FLT1: variants seen among roughly 807,000 people sequenced by gnomAD.
FLT1 encodes vascular endothelial growth factor receptor 1.
A neutral mutation model predicts 156.3 loss-of-function variants in FLT1; 49 were observed. The ratio of observed to expected loss-of-function variants is 0.31; its 90% CI spans 0.25 to 0.40. FLT1 has a LOEUF of 0.40. Ranked by LOEUF, FLT1 falls within the 10% of genes least tolerant of loss-of-function variation. The pLI is 1.00. For missense variants in FLT1, 1,322 were observed against 1,637.2 expected (o/e 0.81, Z 3.32); for synonymous variants, 594 against 583.8 (o/e 1.02, Z -0.25).
At chr13:28,372,048 G>GTATATA (rs1169072431) in intron 14 of FLT1, among the ~76,000 whole-genome samples, 8 of 75,582 alleles carry the variant, frequency 1.1e-4, no homozygotes, top group Non-Finnish European at 1.7e-4. Context: ...GTGTGTGTGT[G>GTATATA]TATATATATA....
chr13:28,395,321 C>T (rs2104330), intron 12 of FLT1, among the ~76,000 whole-genome samples: 65,607 of 151,952 alleles, frequency 0.43, 15,454 homozygotes, highest in Middle Eastern at 0.6. Flanking sequence ...TATTCAAATC[C>T]CACCTTCTCT....
intron 1 of FLT1, among the ~76,000 whole-genome samples, chr13:28,481,981 T>G (rs1042178029): frequency 6.6e-6 from 1 of 152,218 alleles, no homozygotes; most frequent in African/African-American, 2.4e-5. Context: ...TTGATGATAA[T>G]CCCTTGAGCA....
intron 14 of FLT1, among the ~76,000 whole-genome samples, chr13:28,379,034 A>T (rs937441004): frequency 1.3e-5 from 2 of 152,190 alleles, no homozygotes; most frequent in Non-Finnish European, 2.9e-5. Context: ...GTGAGAGAAG[A>T]TCTTTCACGA....
rs1205459147 is a variant in FLT1 at position 28,319,554 on chromosome 13, C to T, written c.3175-20G>A. ...TCGAGTCTAGAAGAGGGCAAGGGGG[C>T]CTTGAGCAGAAGGGCATGAAAACAA... On this transcript the variant is annotated intron_variant, in intron 23 of 29. Coordinates refer to ENST00000282397, the MANE Select transcript of FLT1 (RefSeq NM_002019.4). 4 of 1,482,396 alleles carry T rather than the reference C, an allele frequency of 2.7e-6. No individual in the cohort carries two copies. The highest frequency in any genetic ancestry group is 1.4e-5 in the African/African-American group (1 of 72,174). 91.8% of individuals were successfully genotyped at this position (1,482,396 alleles called of 1,614,324 possible).
chr13:28,429,541 T>A (rs1877548614), intron 8 of FLT1, among the ~76,000 whole-genome samples: 1 of 152,168 alleles, frequency 6.6e-6, no homozygotes, highest in African/African-American at 2.4e-5. Context: ...ACTTAATTAG[T>A]TCAAATAGGC....
intron 11 of FLT1, among the ~76,000 whole-genome samples, chr13:28,399,990 C>T (rs1053729318): frequency 3.3e-5 from 5 of 152,086 alleles, no homozygotes; most frequent in Non-Finnish European, 5.9e-5. Flanking sequence ...ACTGAGGTTC[C>T]GAGAGATTAG....
Position 28,391,278 on chromosome 13 carries a change from T to C in FLT1, c.1661-1174A>G, listed in dbSNP as rs376390716. On this transcript the variant is annotated intron_variant, in intron 12 of 29. Coordinates refer to ENST00000282397, the MANE Select transcript of FLT1 (RefSeq NM_002019.4). Reference sequence around the variant, plus strand: ...CCAGCTAATCTTTGTTATAAGAAAATAAGTCTTGGGACCCCAAAATCACTA... The same window carrying C: ...CCAGCTAATCTTTGTTATAAGAAAACAAGTCTTGGGACCCCAAAATCACTA... 5.3e-5 allele frequency among the ~76,000 whole-genome samples: 8 copies of C among 152,146 alleles called. No individual in the cohort carries two copies. The East Asian group carries it at 1.5e-3, about 29-fold the overall frequency.
At position 28,322,180 on chromosome 13, in the gene FLT1, A is replaced by G. The variant is rs1489061345; in HGVS notation, c.3051+82T>C. 4.4e-6 allele frequency: 4 copies of G among 899,488 alleles called. No homozygotes were observed. The highest frequency in any genetic ancestry group is 7.5e-6 in the Non-Finnish European group (4 of 533,998). The allele number at this position is 899,488 out of a possible 1,614,324, so 55.7% of individuals were successfully genotyped here. A position where few individuals can be genotyped will look rare whatever the true frequency, so the allele number is the denominator to read the frequency against. On this transcript the variant is annotated intron_variant, in intron 22 of 29. Coordinates refer to ENST00000282397, the MANE Select transcript of FLT1 (RefSeq NM_002019.4). This position sits in a 1 kb window ranked among gnomAD's most constrained non-coding sequence, Gnocchi z 4.3. ...TACATTTAAGAACATAGGTATCAGCAAATACTAGGAAAAATGAATTTATAG... is the reference window on the plus strand; with the variant it reads ...TACATTTAAGAACATAGGTATCAGCGAATACTAGGAAAAATGAATTTATAG...
At chr13:28,456,155 C>T (rs1231029033) in intron 3 of FLT1, among the ~76,000 whole-genome samples, 1 of 152,138 alleles carries the variant, frequency 6.6e-6, no homozygotes, top group Non-Finnish European at 1.5e-5. Flanking sequence ...TACATCCACC[C>T]AAAACCTGCA....
chr13:28,318,827 G>T (rs1163828373), intron 24 of FLT1, among the ~76,000 whole-genome samples: 2 of 152,184 alleles, frequency 1.3e-5, no homozygotes, highest in Non-Finnish European at 2.9e-5. Context: ...GCACGCATCT[G>T]TGTGCTTTGA....
At chr13:28,403,377 T>A (rs770114563) in intron 11 of FLT1, among the ~76,000 whole-genome samples, 11 of 152,202 alleles carry the variant, frequency 7.2e-5, no homozygotes, top group Non-Finnish European at 1.3e-4. Context: ...GGGACGTTCT[T>A]TTATCATGGG....
At position 28,431,206 on chromosome 13, in the gene FLT1, T is replaced by C. The variant is rs1238052041; in HGVS notation, c.918A>G (p.Lys306=). Residue 306 remains lysine (K), a synonymous_variant, in exon 7 of 30, where the codon AAA becomes AAG. Coordinates refer to ENST00000282397, the MANE Select transcript of FLT1 (RefSeq NM_002019.4). The part of the protein sequence containing the change: ...LTIDKMQNKD[K]GLYTCRVRSG... ...TCCTTACACGACAAGTATAAAGTCC[T>C]TTGTCTTTGTTCTGCATTTTGTCAA... The C allele has an allele frequency of 1.2e-6, 2 of 1,613,444 alleles. No individual in the cohort carries two copies. The highest frequency in any genetic ancestry group is 2.7e-5 in the African/African-American group (2 of 74,920).
chr13:28,434,688 G>T (rs1264686679), intron 4 of FLT1, among the ~76,000 whole-genome samples: 2 of 152,188 alleles, frequency 1.3e-5, no homozygotes, highest in South Asian at 4.1e-4. Context: ...TTAGAGACCA[G>T]CCTGGCCAAC....
rs1417918521 is a variant in FLT1, at chr13:28,321,539, T to A, written c.3098A>T (p.Asn1033Ile). The A allele has an allele frequency of 6.2e-7, 1 of 1,614,018 alleles. No homozygotes were observed. Among genetic ancestry groups the A allele is most frequent in the Non-Finnish European group, 8.5e-7 (1 of 1,179,964 alleles). The change falls in exon 23 of 30, where the codon AAC becomes ATC. Residue 1033 changes from asparagine to isoleucine, a missense_variant. By Grantham distance (149) the Asn-to-Ile change is moderately radical (BLOSUM62 -3). This residue lies in a region of FLT1 where 2 missense variants were observed against 16.2 expected (regional missense o/e 0.12). Coordinates refer to ENST00000282397, the MANE Select transcript of FLT1 (RefSeq NM_002019.4). ...AAAATCACAAATCTTCACCACGTTGTTCTCAGATAAAAGAATGTTTCTCGC... is the reference window on the plus strand; with the variant it reads ...AAAATCACAAATCTTCACCACGTTGATCTCAGATAAAAGAATGTTTCTCGC... Reference protein sequence around the residue: ...LAARNILLSENNVVKICDFGL... With the variant: ...LAARNILLSEINVVKICDFGL...
At chr13:28,426,068 A>C (rs1267268864) in intron 10 of FLT1, among the ~76,000 whole-genome samples, 2 of 151,912 alleles carry the variant, frequency 1.3e-5, no homozygotes, top group Non-Finnish European at 1.5e-5. Context: ...AATCTAGAAA[A>C]TCAAATAGCC....
chr13:28,438,363 GA>G lies in FLT1; in HGVS notation c.389-19del. 1 of 1,594,192 alleles carries G rather than the reference GA, an allele frequency of 6.3e-7. No individual in the cohort carries two copies. Among genetic ancestry groups the G allele is most frequent in the Non-Finnish European group, 8.6e-7 (1 of 1,162,520 alleles). The stretch of plus-strand genomic sequence containing the variant: ...ACCTGTATCTGAATGAGAAGAAAAT[GA>G]AAAAAATATATACATAAATGATTGA... On this transcript the variant is annotated intron_variant, in intron 3 of 29. Transcript: ENST00000282397.
In FLT1 at chr13:28,494,809, C is replaced by T. The variant is rs560163565; in HGVS notation, c.35G>A (p.Cys12Tyr). 2.5e-6 allele frequency: 4 copies of T among 1,574,770 alleles called. No homozygotes were observed. In the Admixed American group the frequency reaches 5.3e-5, roughly 21 times the overall value. The part of the protein sequence containing the change: ...VSYWDTGVLL[C>Y]ALLSCLLLTG... ...GAGAAGCAGACAGCTGAGCAGCGCG[C>T]ACAGCAGGACCCCGGTGTCCCAGTA... The change falls in exon 1 of 30, where the codon TGC (cysteine) becomes TAC (tyrosine). Residue 12 changes from cysteine to tyrosine, a missense_variant. Coordinates refer to ENST00000282397, the MANE Select transcript of FLT1 (RefSeq NM_002019.4).
At position 28,327,654 on chromosome 13, in the gene FLT1, A is replaced by G. The variant is rs1263932024; in HGVS notation, c.2708-104T>C. The stretch of plus-strand genomic sequence containing the variant: ...AAACCTCAAACCAACCAGCCTTTGT[A>G]TTAGTGGGGCGAAGGGATGCGATTT... On this transcript the variant is annotated intron_variant, in intron 19 of 29. Transcript: ENST00000282397. 72 of 735,804 alleles carry G rather than the reference A, an allele frequency of 9.8e-5. No individual in the cohort carries two copies. The African/African-American group carries it at 1.1e-3, about 11-fold the overall frequency. The allele number at this position is 735,804 out of a possible 1,614,324, so 45.6% of individuals were successfully genotyped here. A position where few individuals can be genotyped will look rare whatever the true frequency, so the allele number is the denominator to read the frequency against.
rs750711298 is a variant in FLT1, at chr13:28,427,872, G to A, written c.1156C>T (p.Arg386Cys). 1.9e-5 allele frequency: 31 copies of A among 1,613,772 alleles called. No individual in the cohort carries two copies. In the African/African-American group the frequency reaches 3.2e-4, roughly 17 times the overall value. The change falls in exon 9 of 30, where the codon CGT becomes TGT. Residue 386 changes from arginine (R) to cysteine (C), a missense_variant. Around this residue, in one of 3 missense-constraint regions of FLT1, gnomAD observed 991 missense variants for 1,254.8 expected, o/e 0.79. Transcript: ENST00000282397. ...ATEKSARYLTRGYSLIIKDVT... is the reference protein window; with the variant it reads ...ATEKSARYLTCGYSLIIKDVT... ...TCCTTGATAATTAACGAGTAGCCACGAGTCAAATAGCGAGCAGATTTCTCA... is the reference window on the plus strand; with the variant it reads ...TCCTTGATAATTAACGAGTAGCCACAAGTCAAATAGCGAGCAGATTTCTCA...
Sources: gnomAD v4.1 joint callset for allele counts (sites outside exome capture counted in the v4.1 genomes callset) on GRCh38, gnomAD v4.1.1 for gene constraint, gnomAD v4.1.1 regional missense constraint, Gnocchi (gnomAD v3.1) non-coding constraint, MANE v1.5 for transcripts, NCBI Gene and HGNC (gene_info 2026-07-23, HGNC 2026-07-21) for gene names.